Variants in CNOT6L observed in about 807,000 individuals in gnomAD.
CNOT6L encodes the protein CCR4-NOT transcription complex subunit 6 like.
CNOT6L carries 7 observed loss-of-function variants against 64.0 expected under a neutral mutation model. The observed-to-expected ratio is 0.11, with a 90% CI of 0.06 to 0.21. The LOEUF is 0.21. Among genes scored for constraint, CNOT6L ranks in the 10% least tolerant of loss-of-function variants. The probability of loss-of-function intolerance (pLI) is 1.00; values close to 1 mark genes in which losing one functional copy is unlikely to be tolerated. For synonymous variants in CNOT6L, 193 were observed against 243.4 expected, an observed-to-expected ratio of 0.79 and a Z score of 1.93; for missense variants, 245 against 669.0, an observed-to-expected ratio of 0.37 and a Z score of 6.99.
intron 1 of CNOT6L, among the ~76,000 whole-genome samples, chr4:77,793,200 T>C (rs567407470): frequency 6.6e-6 from 1 of 152,294 alleles, no homozygotes; most frequent in East Asian, 1.9e-4. Flanking sequence ...TTATGAATTG[T>C]ATTTATTTCC....
chr4:77,799,578 G>T (rs1319332485), intron 1 of CNOT6L, among the ~76,000 whole-genome samples: 1 of 151,668 alleles, frequency 6.6e-6, no homozygotes, highest in South Asian at 2.1e-4. Flanking sequence ...GGTGGTGGGC[G>T]CCTGTAATCC....
chr4:77,769,684 C>T lies in CNOT6L; in HGVS notation c.400+3397G>A, dbSNP rs548123289. Among the ~76,000 whole-genome samples the T allele has an allele frequency of 2.0e-5, 3 of 152,048 alleles. No homozygotes were observed. The East Asian group carries it at 5.8e-4, about 29-fold the overall frequency. ...ATTGGCTAATAGGAGAATGACTATT[C>T]ATTTAATTATTTTCTTTAAAATGCA... On this transcript the variant is annotated intron_variant, in intron 4 of 11. Coordinates refer to ENST00000504123, the MANE Select transcript of CNOT6L (RefSeq NM_144571.3).
intron 11 of CNOT6L, among the ~76,000 whole-genome samples, chr4:77,723,382 C>T (rs184193774): frequency 6.6e-6 from 1 of 152,286 alleles, no homozygotes; most frequent in East Asian, 1.9e-4. Flanking sequence ...TTTAACACCT[C>T]ACTGATACAA....
At chr4:77,807,293 A>AAAAAAAAT (rs1553899159) in intron 1 of CNOT6L, among the ~76,000 whole-genome samples, 1 of 150,870 alleles carries the variant, frequency 6.6e-6, no homozygotes, top group Non-Finnish European at 1.5e-5. Flanking sequence ...AAAAAAAAAA[A>AAAAAAAAT]TCCTACAATC....
intron 1 of CNOT6L, among the ~76,000 whole-genome samples, chr4:77,791,819 A>C (rs1730181811): frequency 6.6e-6 from 1 of 152,296 alleles, no homozygotes; most frequent in South Asian, 2.1e-4. Context: ...TATTCCGATA[A>C]GGAAAACCTT....
intron 7 of CNOT6L, among the ~76,000 whole-genome samples, chr4:77,742,955 C>A (rs1224888445): frequency 1.3e-5 from 2 of 151,976 alleles, no homozygotes; most frequent in African/African-American, 4.8e-5. Flanking sequence ...AGCAAAAACC[C>A]ATAAACAACT....
intron 1 of CNOT6L, among the ~76,000 whole-genome samples, chr4:77,790,030 T>C (rs1053270214): frequency 6.6e-6 from 1 of 150,906 alleles, no homozygotes; most frequent in African/African-American, 2.4e-5. Flanking sequence ...ATATAAAGCA[T>C]GCCCTAAAAA....
At chr4:77,763,037 C>T (rs1019076686) in intron 4 of CNOT6L, among the ~76,000 whole-genome samples, 3 of 151,734 alleles carry the variant, frequency 2.0e-5, no homozygotes, top group African/African-American at 7.3e-5. Flanking sequence ...AGTCTAGAAA[C>T]AGAATAGAGC....
intron 4 of CNOT6L, among the ~76,000 whole-genome samples, chr4:77,772,617 G>A (rs1312548437): frequency 6.6e-6 from 1 of 152,106 alleles, no homozygotes; most frequent in Non-Finnish European, 1.5e-5. Context: ...AGTTCAATTT[G>A]ATACTTAAAG....
chr4:77,819,075 C>CACACACACACAA, intron 1 of CNOT6L: 1 of 731,586 alleles, frequency 1.4e-6, no homozygotes. Flanking sequence ...CACACACACA[C>CACACACACACAA]CCCGGAACCT....
At chr4:77,753,123 G>T (rs191126851) in intron 5 of CNOT6L, among the ~76,000 whole-genome samples, 12 of 126,612 alleles carry the variant, frequency 9.5e-5, no homozygotes, top group Admixed American at 2.5e-4. Context: ...CATAGAAAGA[G>T]AAATGGAAAT....
rs775789609 is a variant in CNOT6L, at chr4:77,748,392, A to T, written c.491-8T>A. The T allele has an allele frequency of 4.6e-5, 73 of 1,595,008 alleles. No homozygotes were observed. Among genetic ancestry groups the T allele is most frequent in the East Asian group, 2.5e-4 (11 of 44,724 alleles). On this transcript the variant is annotated splice_region_variant and splice_polypyrimidine_tract_variant and intron_variant, in intron 5 of 11. Transcript: ENST00000504123. ...GAAGCTGCTCTGGATGAACTGAAAA[A>T]AATTTTGTAAATATAGGTTAATTTC...
chr4:77,750,538 A>G (rs1724745052), intron 5 of CNOT6L, among the ~76,000 whole-genome samples: 1 of 152,044 alleles, frequency 6.6e-6, no homozygotes, highest in Non-Finnish European at 1.5e-5. Context: ...TATTTTCAGT[A>G]GAGACGTGGT....
chr4:77,741,711 G>A (rs894886858), intron 8 of CNOT6L, among the ~76,000 whole-genome samples: 5 of 151,924 alleles, frequency 3.3e-5, no homozygotes, highest in African/African-American at 1.2e-4. Flanking sequence ...CAAAGCAAAT[G>A]CTCAGTATAC....
rs1560583420 is a variant in CNOT6L at position 77,743,687 on chromosome 4, TG to T, written c.717+1030del. Among the ~76,000 whole-genome samples, 4 of 147,642 alleles carry T rather than the reference TG, an allele frequency of 2.7e-5. No individual in the cohort carries two copies. In the South Asian group the frequency reaches 8.7e-4, roughly 32 times the overall value. ...TGCAATCTCTGATCACTGCAACCTC[TG>T]CTTCCTGGGTTCAAGCAATTCTCAT... On this transcript the variant is annotated intron_variant, in intron 7 of 11. Transcript: ENST00000504123.
intron 5 of CNOT6L, among the ~76,000 whole-genome samples, chr4:77,754,189 G>A (rs1391272340): frequency 3.3e-5 from 5 of 152,090 alleles, no homozygotes; most frequent in African/African-American, 1.2e-4. Flanking sequence ...AAACTATTTA[G>A]CAAAGTGGTT....
rs919645922 is a variant in CNOT6L at position 77,756,855 on chromosome 4, C to T, written c.490+7G>A. ...ATTTATTTTACAGCTTTGTCACTAA[C>T]AGTTACCTGCGAGATTGTCAAGCAT... On this transcript the variant is annotated splice_region_variant and intron_variant, in intron 5 of 11. Transcript: ENST00000504123. The T allele has an allele frequency of 1.3e-6, 2 of 1,574,464 alleles. No individual in the cohort carries two copies. The highest frequency in any genetic ancestry group is 1.7e-6 in the Non-Finnish European group (2 of 1,148,512).
intron 5 of CNOT6L, among the ~76,000 whole-genome samples, chr4:77,751,949 A>G (rs745935348): frequency 1.5e-4 from 23 of 152,212 alleles, no homozygotes; most frequent in Non-Finnish European, 2.2e-4. Context: ...AGATGGGAAG[A>G]TCACTTGAGG....
In CNOT6L at chr4:77,775,818, T is replaced by C. The variant is rs373263047; in HGVS notation, c.127+453A>G. On this transcript the variant is annotated intron_variant, in intron 2 of 11. Transcript: ENST00000504123. The stretch of plus-strand genomic sequence containing the variant: ...GTTTTTCTCATTATTAGACTGGAAT[T>C]ATGAGTTTTTAGGAATCACATTCTA... 5.3e-5 allele frequency among the ~76,000 whole-genome samples: 8 copies of C among 152,200 alleles called. No individual in the cohort carries two copies. In the East Asian group the frequency reaches 5.8e-4, roughly 11 times the overall value.
Sources: gnomAD v4.1 joint callset for allele counts (sites outside exome capture counted in the v4.1 genomes callset) on GRCh38, gnomAD v4.1.1 for gene constraint, MANE v1.5 for transcripts, NCBI Gene and HGNC (gene_info 2026-07-23, HGNC 2026-07-21) for gene names.